The following SUPT3H variants were observed in gnomAD, a reference collection of about 807,000 sequenced individuals.
The protein encoded by SUPT3H is SPT3 homolog, SAGA and STAGA complex component, also known as transcription initiation protein SPT3 homolog.
A neutral mutation model predicts 44.3 loss-of-function variants in SUPT3H; 44 were observed. The ratio of observed to expected loss-of-function variants is 0.99; its 90% CI spans 0.78 to 1.28. The LOEUF (loss-of-function observed/expected upper bound fraction) is 1.28, where lower values mean the gene tolerates loss of function less well. Ranked by LOEUF, SUPT3H falls within the 50% of genes most tolerant of loss-of-function variation. SUPT3H has a pLI of 0.00. For synonymous variants in SUPT3H, 124 were observed against 125.6 expected (o/e 0.99, Z 0.09); for missense variants, 380 against 387.1 (o/e 0.98, Z 0.15).
chr6:45,151,752 TTTC>T (rs1807002153), intron 2 of SUPT3H, among the ~76,000 whole-genome samples: 1 of 152,200 alleles, frequency 6.6e-6, no homozygotes, highest in Non-Finnish European at 1.5e-5. Context: ...AAGTTTCTCT[TTTC>T]TAGGCAAGTA....
chr6:44,929,563 C>T (rs562817326), intron 10 of SUPT3H, among the ~76,000 whole-genome samples: 4 of 152,276 alleles, frequency 2.6e-5, no homozygotes, highest in East Asian at 1.9e-4. Flanking sequence ...TCAGTTCAGC[C>T]TTTCTGTATG....
chr6:45,118,709 A>G (rs1562494125), intron 2 of SUPT3H, among the ~76,000 whole-genome samples: 1 of 152,128 alleles, frequency 6.6e-6, no homozygotes, highest in Non-Finnish European at 1.5e-5. Flanking sequence ...GAAATTTTCC[A>G]TAATACTCAT....
chr6:44,946,574 T>C (rs895257526), intron 9 of SUPT3H, among the ~76,000 whole-genome samples: 6 of 152,102 alleles, frequency 3.9e-5, no homozygotes, highest in African/African-American at 1.4e-4. Context: ...ACTGCAGATG[T>C]GGTATAAATG....
chr6:45,361,589 T>G (rs1794273292), intron 2 of SUPT3H: 1 of 152,180 alleles, frequency 6.6e-6, no homozygotes, highest in African/African-American at 2.4e-5. Flanking sequence ...TTGAGTTCAA[T>G]AACCTAAAAA....
In SUPT3H at chr6:44,896,087, A is replaced by G. The variant is rs182922063; in HGVS notation, c.912+36566T>C. ...TTTTCTGTAACACAACCTATAAAAA[A>G]CGCTGGGAGAGTGTGATTAGGGGTC... On this transcript the variant is annotated intron_variant, in intron 10 of 10. Coordinates refer to ENST00000371459, the MANE Select transcript of SUPT3H (RefSeq NM_003599.4). 2.3e-3 allele frequency among the ~76,000 whole-genome samples: 349 copies of G among 152,154 alleles called. 1 individual carries two copies. Among genetic ancestry groups the G allele is most frequent in the African/African-American group, 7.7e-3 (319 of 41,504 alleles).
chr6:45,343,154 C>T (rs75077187), intron 2 of SUPT3H, among the ~76,000 whole-genome samples: 3,100 of 152,198 alleles, frequency 0.02, 43 homozygotes, highest in Non-Finnish European at 0.032. Context: ...TAAGTCTAAA[C>T]TCATACTCAT....
At position 44,811,468 on chromosome 6, in the gene SUPT3H, T is replaced by C. The variant is rs1011041101; in HGVS notation, c.*53-1967A>G. Among the ~76,000 whole-genome samples the C allele has an allele frequency of 5.9e-5, 9 of 152,324 alleles. No individual in the cohort carries two copies. In the South Asian group the frequency reaches 1.0e-3, roughly 18 times the overall value. On this transcript the variant is annotated intron_variant and NMD_transcript_variant, in intron 11 of 11. Transcript: ENST00000475057. Reference sequence around the variant, plus strand: ...ACAAAGGTTGGATAGACTGCAGTCATTGGTAGTGTGCCAACTTGGTGAAAC... The same window carrying C: ...ACAAAGGTTGGATAGACTGCAGTCACTGGTAGTGTGCCAACTTGGTGAAAC...
intron 10 of SUPT3H, among the ~76,000 whole-genome samples, chr6:44,849,518 C>T (rs574597217): frequency 2.6e-5 from 4 of 152,228 alleles, no homozygotes; most frequent in South Asian, 2.1e-4. Context: ...TGAGCCACCG[C>T]GCCCGGCCAT....
downstream of SUPT3H, among the ~76,000 whole-genome samples, chr6:44,826,697 T>G (rs1767783191): frequency 6.6e-6 from 1 of 152,212 alleles, no homozygotes; most frequent in African/African-American, 2.4e-5. Flanking sequence ...AAATTAAACT[T>G]TATAATTAAT....
rs187438623 is a variant in SUPT3H, at chr6:44,899,503, T to C, written c.912+33150A>G. On this transcript the variant is annotated intron_variant, in intron 10 of 10. Transcript: ENST00000371459. ...GAGTTCGAGACCAGCCTGGCCAACA[T>C]GGTGAAACCCCGTTTCTAATAAAAA... 2.6e-3 allele frequency among the ~76,000 whole-genome samples: 389 copies of C among 152,138 alleles called. 3 individuals are homozygous for C. The highest frequency in any genetic ancestry group is 8.6e-3 in the African/African-American group (355 of 41,492).
At chr6:45,063,693 G>A (rs1390776080) in intron 3 of SUPT3H, among the ~76,000 whole-genome samples, 1 of 48,558 alleles carries the variant, frequency 2.1e-5, no homozygotes, top group African/African-American at 8.7e-5. Context: ...GTGATCAACT[G>A]GAAGAAAGGG....
chr6:45,087,322 A>G (rs1796593959), intron 3 of SUPT3H, among the ~76,000 whole-genome samples: 1 of 152,072 alleles, frequency 6.6e-6, no homozygotes, highest in Admixed American at 6.6e-5. Flanking sequence ...TCAAGTTATT[A>G]AAAGTTAAAA....
At chr6:45,288,593 ATATGTGTATATATATATATG>A (rs1562882878) in intron 2 of SUPT3H, among the ~76,000 whole-genome samples, 8 of 38,290 alleles carry the variant, frequency 2.1e-4, no homozygotes, top group East Asian at 1.0e-3. Flanking sequence ...GTATATATAT[ATATGTGTATATATATATATG>A]TATATATATA....
At chr6:45,149,963 A>AT (rs1554263771) in intron 2 of SUPT3H, among the ~76,000 whole-genome samples, 1 of 152,078 alleles carries the variant, frequency 6.6e-6, no homozygotes, top group Non-Finnish European at 1.5e-5. Context: ...CACCTGAACA[A>AT]TTTTTTTAAA....
At chr6:45,236,912 G>A (rs1051382396) in intron 2 of SUPT3H, among the ~76,000 whole-genome samples, 2 of 152,168 alleles carry the variant, frequency 1.3e-5, no homozygotes, top group Non-Finnish European at 2.9e-5. Flanking sequence ...GGGACGGTAG[G>A]ATTACTTCTA....
chr6:45,042,168 AT>A (rs1788637553), intron 3 of SUPT3H, among the ~76,000 whole-genome samples: 1 of 152,206 alleles, frequency 6.6e-6, no homozygotes, highest in African/African-American at 2.4e-5. Context: ...CACACCTATA[AT>A]CCCAGCACTT....
At chr6:45,265,833 TA>T (rs886589014) in intron 2 of SUPT3H, among the ~76,000 whole-genome samples, 1 of 151,978 alleles carries the variant, frequency 6.6e-6, no homozygotes, top group Non-Finnish European at 1.5e-5. Context: ...TTAATCTCCT[TA>T]AAGTAGTTAA....
At chr6:45,365,635 C>T (rs911110125) in intron 1 of SUPT3H, among the ~76,000 whole-genome samples, 17 of 148,348 alleles carry the variant, frequency 1.1e-4, no homozygotes, top group Admixed American at 6.9e-4. Flanking sequence ...GGGAGCCCTA[C>T]GGTTCATCAG....
intron 2 of SUPT3H, chr6:45,328,761 C>G (rs373621180): frequency 6.2e-7 from 1 of 1,612,054 alleles, no homozygotes; most frequent in South Asian, 1.1e-5. Flanking sequence ...ACAGTGACAC[C>G]ATGTCAGCAA....
Sources: allele counts gnomAD v4.1 joint callset (sites outside exome capture counted in the v4.1 genomes callset), GRCh38; gene constraint gnomAD v4.1.1; transcripts MANE v1.5; gene names NCBI Gene and HGNC (gene_info 2026-07-23, HGNC 2026-07-21).